Variants in CPLANE1 observed in about 807,000 individuals in gnomAD.
CPLANE1 encodes the protein ciliogenesis and planar polarity effector 1.
Under a neutral mutation model 362.5 loss-of-function variants are expected in CPLANE1, and 263 were observed. The observed-to-expected ratio is 0.73, with a 90% CI of 0.66 to 0.80. The LOEUF (loss-of-function observed/expected upper bound fraction) is 0.80, where lower values mean the gene tolerates loss of function less well. Ranked by LOEUF, CPLANE1 falls within the 30% of genes least tolerant of loss-of-function variation. The pLI is 0.00. For missense variants in CPLANE1, 3,461 were observed against 3,793.4 expected (o/e 0.91, Z 2.30); for synonymous variants, 1,212 against 1,302.6 (o/e 0.93, Z 1.50).
At chr5:37,138,549 T>C (rs759807944) in intron 46 of CPLANE1, 171 bp downstream of exon 46, 6 of 756,656 alleles carry the variant, frequency 7.9e-6, no homozygotes, top group Admixed American at 1.9e-5. Flanking sequence ...ATACTATATA[T>C]TGTTAGAGAA....
chr5:37,245,967 A>C, intron 2 of CPLANE1, 122 bp from the exon 3 acceptor site: 1 of 991,718 alleles, frequency 1.0e-6, no homozygotes, highest in Non-Finnish European at 1.4e-6. Context: ...TGTACCACAA[A>C]TCATAAAATG....
At position 37,191,889 on chromosome 5, in the gene CPLANE1, G is replaced by A. The variant is rs143558002; in HGVS notation, c.3811+3969C>T. On this transcript the variant is annotated intron_variant, in intron 21 of 52. Coordinates refer to ENST00000651892, the MANE Select transcript of CPLANE1 (RefSeq NM_001384732.1). Reference sequence around the variant, plus strand: ...AGTAAAAACATTACAATAATCTATGGTTAATTTATTATGGAAGAAAAATAT... The same window carrying A: ...AGTAAAAACATTACAATAATCTATGATTAATTTATTATGGAAGAAAAATAT... 1.3e-3 allele frequency among the ~76,000 whole-genome samples: 196 copies of A among 152,128 alleles called. 2 individuals carry two copies. The highest frequency in any genetic ancestry group is 4.5e-3 in the African/African-American group (188 of 41,484).
intron 15 of CPLANE1, among the ~76,000 whole-genome samples, chr5:37,218,309 A>G (rs529281077): frequency 5.1e-4 from 78 of 152,260 alleles, no homozygotes; most frequent in African/African-American, 1.6e-3. Flanking sequence ...CAGCCCCCCA[A>G]TTAAAAACCC....
the CPLANE1 span, among the ~76,000 whole-genome samples, chr5:37,098,020 C>T: frequency 3.3e-5 from 5 of 152,184 alleles, no homozygotes; most frequent in South Asian, 1.0e-3. Context: ...CACTGAAGCA[C>T]CCAGATATAT....
chr5:37,111,103 G>C (rs1488235850), intron 51 of CPLANE1, among the ~76,000 whole-genome samples: 1 of 147,854 alleles, frequency 6.8e-6, no homozygotes, highest in Non-Finnish European at 1.5e-5. Context: ...CACCACGCCC[G>C]GCCAATGTAT....
rs181812684 is a variant in CPLANE1, at chr5:37,226,517, T to C, written c.2078A>G (p.Lys693Arg). 5.0e-5 allele frequency: 77 copies of C among 1,548,312 alleles called. No homozygotes were observed. The East Asian group carries it at 5.6e-4, about 11-fold the overall frequency. The change falls in exon 12 of 53, where the codon AAA becomes AGA. Residue 693 changes from lysine to arginine, a missense_variant. Coordinates refer to ENST00000651892, the MANE Select transcript of CPLANE1 (RefSeq NM_001384732.1). Reference protein sequence around the residue: ...EKLLACFYLLKMVADNLNGVY... With the variant: ...EKLLACFYLLRMVADNLNGVY... ...ACCATTTAAATTGTCAGCTACCATT[T>C]TGAGTAAATAAAAACAAGCTAAAAG...
At chr5:37,207,760 A>C (rs911452775) in intron 16 of CPLANE1, among the ~76,000 whole-genome samples, 2 of 152,190 alleles carry the variant, frequency 1.3e-5, no homozygotes, top group Non-Finnish European at 2.9e-5. Context: ...TGCCTTGTAC[A>C]TACATATGTA....
In CPLANE1 at chr5:37,138,818, T is replaced by G. The variant is rs1215580270; in HGVS notation, c.8694A>C (p.Gly2898=). Residue 2898 remains glycine (G), a synonymous_variant, in exon 46 of 53, where the codon GGA becomes GGC. Transcript: ENST00000651892. ...CAATAATGTCTGCAATATCAGTCAA[T>G]CCAGTCATCTGGAGCGGATGTACTG... ...SVSVHPLQMT[G]LTDIADIIDD... is the part of the protein sequence containing the mutation. 6.2e-7 allele frequency: 1 copy of G among 1,611,960 alleles called. No individual in the cohort carries two copies. Among genetic ancestry groups the G allele is most frequent in the Non-Finnish European group, 8.5e-7 (1 of 1,179,326 alleles).
chr5:37,210,975 C>G, intron 16 of CPLANE1: 1 of 782,582 alleles, frequency 1.3e-6, no homozygotes. Flanking sequence ...GTTAACTATT[C>G]AGGTTGCCGA....
chr5:37,152,340 CTTA>C (rs1386011123), intron 42 of CPLANE1, among the ~76,000 whole-genome samples: 2 of 152,028 alleles, frequency 1.3e-5, no homozygotes. Context: ...CCATACCCGA[CTTA>C]TTATTATTTT....
chr5:37,118,716 T>C (rs914079560), intron 50 of CPLANE1, among the ~76,000 whole-genome samples: 2 of 135,448 alleles, frequency 1.5e-5, no homozygotes, highest in Non-Finnish European at 1.5e-5. Flanking sequence ...GTTGTTATTT[T>C]ACTTTTTTTT....
chr5:37,156,548 T>A (rs1475564074), intron 41 of CPLANE1, among the ~76,000 whole-genome samples: 1 of 152,050 alleles, frequency 6.6e-6, no homozygotes, highest in Non-Finnish European at 1.5e-5. Flanking sequence ...AAGGCTACAG[T>A]GAACTATGAT....
chr5:37,121,978 C>A (rs1762787638), intron 48 of CPLANE1, among the ~76,000 whole-genome samples, 194 bp from the exon 49 acceptor site: 1 of 151,708 alleles, frequency 6.6e-6, no homozygotes, highest in Admixed American at 6.6e-5. Context: ...CTCCCGAGTT[C>A]AAGCAATTCT....
the CPLANE1 span, chr5:37,085,189 T>C: frequency 1.2e-6 from 1 of 825,016 alleles, no homozygotes; most frequent in Admixed American, 1.8e-5. Context: ...CTCCCCCTCA[T>C]CATTTTCCTA....
rs141300106 is a variant in CPLANE1 at position 37,138,099 on chromosome 5, T to G, written c.8792+621A>C. 8.6e-3 allele frequency among the ~76,000 whole-genome samples: 1,313 copies of G among 152,256 alleles called. 8 individuals are homozygous for G. Among genetic ancestry groups the G allele is most frequent in the Middle Eastern group, 0.014 (4 of 294 alleles). ...TAATTTAATTCCAGAATTTGTTAGT[T>G]TTCTGCTTTGATGATATGTCCAACT... On this transcript the variant is annotated intron_variant, in intron 46 of 52. Transcript: ENST00000651892.
At position 37,108,438 on chromosome 5, in the gene CPLANE1, G is replaced by A. The variant is rs1302870757; in HGVS notation, c.9434C>T (p.Thr3145Ile). The change falls in exon 52 of 53, where the codon ACA becomes ATA. Residue 3145 changes from threonine (T) to isoleucine (I), a missense_variant. Thr to Ile is a moderately conservative substitution (Grantham distance 89). Coordinates refer to ENST00000651892, the MANE Select transcript of CPLANE1 (RefSeq NM_001384732.1). Reference protein sequence around the residue: ...SNAPCHSLQHTKKHGSAGLAP... With the variant: ...SNAPCHSLQHIKKHGSAGLAP... ...AAGCCCAGCACTTCCATGTTTTTTT[G>A]TATGCTGCAGACTATGACACGGAGC... The A allele has an allele frequency of 1.9e-6, 3 of 1,614,086 alleles. No individual in the cohort carries two copies. The highest frequency in any genetic ancestry group is 1.3e-5 in the African/African-American group (1 of 75,022).
intron 26 of CPLANE1, 37 bp from the exon 27 acceptor site, chr5:37,181,042 A>G (rs753262890): frequency 6.5e-7 from 1 of 1,538,792 alleles, no homozygotes. Context: ...GTATTTATTG[A>G]ACCCTTTATT....
chr5:37,218,738 G>A (rs1794706829), intron 15 of CPLANE1, among the ~76,000 whole-genome samples: 2 of 151,114 alleles, frequency 1.3e-5, no homozygotes, highest in Non-Finnish European at 3.0e-5. Context: ...ACCTGAGGTC[G>A]GGAGTTCAAG....
Position 37,226,362 on chromosome 5 carries a change from T to A in CPLANE1, c.2233A>T (p.Asn745Tyr). ...TGAGGATGAATCTTGAAAAATGAGT[T>A]CCAAGACCAGTTTTTCTGAAAACCA... ...DSGFQKNWSW[N>Y]SFFKIHPQVV... The change falls in exon 12 of 53, where the codon AAC (asparagine) becomes TAC (tyrosine). Residue 745 changes from asparagine to tyrosine, a missense_variant. This residue lies in a region of CPLANE1 where 3,380 missense variants were observed against 3,666.1 expected (regional missense o/e 0.92). Coordinates refer to ENST00000651892, the MANE Select transcript of CPLANE1 (RefSeq NM_001384732.1). The A allele has an allele frequency of 6.5e-7, 1 of 1,548,390 alleles. No individual in the cohort carries two copies. The highest frequency in any genetic ancestry group is 8.7e-7 in the Non-Finnish European group (1 of 1,146,024).
Sources: allele counts gnomAD v4.1 joint callset (sites outside exome capture counted in the v4.1 genomes callset), GRCh38; gene constraint gnomAD v4.1.1; regional missense constraint gnomAD v4.1.1; transcripts MANE v1.5; gene names NCBI Gene and HGNC (gene_info 2026-07-23, HGNC 2026-07-21).